The following MGAT4C variants were observed in gnomAD, a reference collection of about 807,000 sequenced individuals.
MGAT4C encodes the protein MGAT4 family member C.
A neutral mutation model predicts 40.1 loss-of-function variants in MGAT4C; 19 were observed. The observed-to-expected ratio is 0.47, with a 90% CI of 0.33 to 0.70. The LOEUF (loss-of-function observed/expected upper bound fraction) is 0.70. Ranked by LOEUF, MGAT4C falls within the 30% of genes least tolerant of loss-of-function variation. The pLI is 0.02. For synonymous variants in MGAT4C, 181 were observed against 187.1 expected, an observed-to-expected ratio of 0.97 and a Z score of 0.27; for missense variants, 491 against 563.2, an observed-to-expected ratio of 0.87 and a Z score of 1.30.
chr12:86,486,533 C>T (rs536764501), intron 2 of MGAT4C, among the ~76,000 whole-genome samples: 2 of 151,948 alleles, frequency 1.3e-5, no homozygotes, highest in Non-Finnish European at 2.9e-5. Context: ...CTTAACTATC[C>T]TAAATATATA....
chr12:86,806,991 A>G (rs930804852), intron 1 of MGAT4C, among the ~76,000 whole-genome samples: 7 of 150,590 alleles, frequency 4.6e-5, no homozygotes, highest in Non-Finnish European at 1.0e-4. Context: ...GGTACCCTAG[A>G]ACTTAAGGTA....
intron 2 of MGAT4C, among the ~76,000 whole-genome samples, chr12:86,446,837 A>G (rs1372707795): frequency 6.6e-6 from 1 of 151,018 alleles, no homozygotes; most frequent in Admixed American, 6.6e-5. Context: ...GGGAGATGGT[A>G]ATACTAACCC....
At chr12:86,463,770 A>G (rs1256646211) in intron 2 of MGAT4C, among the ~76,000 whole-genome samples, 1 of 152,190 alleles carries the variant, frequency 6.6e-6, no homozygotes, top group Non-Finnish European at 1.5e-5. Context: ...CTCTAATATA[A>G]TCTTCCTCTT....
At chr12:86,756,353 T>C (rs952480589) in intron 1 of MGAT4C, among the ~76,000 whole-genome samples, 1 of 152,126 alleles carries the variant, frequency 6.6e-6, no homozygotes, top group Non-Finnish European at 1.5e-5. Flanking sequence ...CATCTAACCA[T>C]GGTTACCAAC....
intron 2 of MGAT4C, among the ~76,000 whole-genome samples, chr12:85,995,586 G>A (rs1886524075): frequency 6.6e-6 from 1 of 152,118 alleles, no homozygotes. Context: ...AATACTCAGA[G>A]GCCAGCTGCG....
chr12:86,465,562 T>G (rs540713245), intron 2 of MGAT4C, among the ~76,000 whole-genome samples: 1 of 149,652 alleles, frequency 6.7e-6, no homozygotes, highest in African/African-American at 2.4e-5. Flanking sequence ...AAAAAAAAAA[T>G]AGTATTTGGC....
intron 3 of MGAT4C, among the ~76,000 whole-genome samples, chr12:86,390,979 T>C (rs760120111): frequency 3.3e-5 from 5 of 152,306 alleles, no homozygotes; most frequent in Non-Finnish European, 4.4e-5. Context: ...TGAATAAACA[T>C]ATCTGATTTC....
intron 2 of MGAT4C, among the ~76,000 whole-genome samples, chr12:86,603,550 TAA>T (rs1961898035): frequency 2.7e-4 from 1 of 3,720 alleles, no homozygotes; most frequent in Non-Finnish European, 2.5e-3. Context: ...AGACTATAGA[TAA>T]TATATAGTCT....
intron 1 of MGAT4C, among the ~76,000 whole-genome samples, chr12:86,132,110 A>G (rs1458560614): frequency 1.3e-5 from 2 of 152,162 alleles, no homozygotes; most frequent in South Asian, 2.1e-4. Flanking sequence ...AAGTTTGTAC[A>G]TATTTATTCT....
chr12:86,206,565 C>T (rs1240594919), intron 1 of MGAT4C, among the ~76,000 whole-genome samples: 1 of 152,070 alleles, frequency 6.6e-6, no homozygotes, highest in African/African-American at 2.4e-5. Context: ...TTTCACTTTT[C>T]TGTCTGTCAC....
At chr12:86,377,967 C>A (rs959325490) in intron 3 of MGAT4C, among the ~76,000 whole-genome samples, 1 of 152,012 alleles carries the variant, frequency 6.6e-6, no homozygotes, top group African/African-American at 2.4e-5. Context: ...AATATTTGCC[C>A]CTTTGTGACT....
At chr12:86,147,382 C>T (rs1883682158) in intron 1 of MGAT4C, among the ~76,000 whole-genome samples, 2 of 152,238 alleles carry the variant, frequency 1.3e-5, no homozygotes, top group African/African-American at 4.8e-5. Context: ...CCTGGGACTA[C>T]AGGCACCCGC....
At chr12:86,352,461 T>G (rs1005887522) in intron 3 of MGAT4C, among the ~76,000 whole-genome samples, 1 of 152,170 alleles carries the variant, frequency 6.6e-6, no homozygotes, top group Admixed American at 6.6e-5. Context: ...GTATATTATT[T>G]TCCTCCTTTT....
At chr12:86,451,455 T>C (rs1056364908) in intron 2 of MGAT4C, among the ~76,000 whole-genome samples, 2 of 152,184 alleles carry the variant, frequency 1.3e-5, no homozygotes, top group African/African-American at 4.8e-5. Context: ...CACAAAGCAT[T>C]ATGCCCTTCC....
intron 2 of MGAT4C, among the ~76,000 whole-genome samples, chr12:86,453,867 A>G (rs1957466035): frequency 6.6e-6 from 1 of 152,084 alleles, no homozygotes; most frequent in African/African-American, 2.4e-5. Context: ...CTTTTAAGCT[A>G]TGAGTATCAA....
chr12:86,401,260 ATG>A (rs10548304), intron 3 of MGAT4C, among the ~76,000 whole-genome samples: 96,993 of 147,870 alleles, frequency 0.66, 31,966 homozygotes, highest in South Asian at 0.77. Flanking sequence ...ACATATATAT[ATG>A]TGTGTGTGTG....
At chr12:86,057,732 C>T (rs1281438831) in intron 1 of MGAT4C, among the ~76,000 whole-genome samples, 1 of 152,074 alleles carries the variant, frequency 6.6e-6, no homozygotes, top group Admixed American at 6.6e-5. Flanking sequence ...TCATAGCATG[C>T]CATTTTTGTG....
chr12:86,224,053 T>C (rs1285086614), intron 1 of MGAT4C, among the ~76,000 whole-genome samples: 1 of 152,160 alleles, frequency 6.6e-6, no homozygotes, highest in Non-Finnish European at 1.5e-5. Flanking sequence ...GGTCCAAGAA[T>C]TGGCCCGTGT....
chr12:86,696,011 A>T (rs2136605557), intron 2 of MGAT4C, among the ~76,000 whole-genome samples: 1 of 152,132 alleles, frequency 6.6e-6, no homozygotes, highest in South Asian at 2.1e-4. Flanking sequence ...GGAGATCAAG[A>T]CCATCCTGGC....
Sources: gnomAD v4.1 joint callset for allele counts (sites outside exome capture counted in the v4.1 genomes callset) on GRCh38, gnomAD v4.1.1 for gene constraint, MANE v1.5 for transcripts, NCBI Gene and HGNC (gene_info 2026-07-23, HGNC 2026-07-21) for gene names.